ZFHX3: variants seen among roughly 807,000 people sequenced by gnomAD.
The protein encoded by ZFHX3 is zinc finger homeobox protein 3.
In ZFHX3, 42 loss-of-function variants were observed where a neutral mutation model predicts 279.1. The ratio of observed to expected loss-of-function variants is 0.15; its 90% CI spans 0.12 to 0.19. ZFHX3 has a LOEUF of 0.19. ZFHX3 is among the 10% of genes least tolerant of loss of function. ZFHX3 has a pLI of 1.00. For missense variants in ZFHX3, 4,981 were observed against 4,754.0 expected (o/e 1.05, Z -1.40); for synonymous variants, 2,293 against 1,957.8 (o/e 1.17, Z -4.52).
At chr16:73,088,488 C>T (rs1318501188) in intron 8 of ZFHX3, among the ~76,000 whole-genome samples, 3 of 152,166 alleles carry the variant, frequency 2.0e-5, no homozygotes, top group African/African-American at 7.2e-5. Context: ...CTTACCATCT[C>T]CATGATTGCA....
At chr16:73,321,933 C>T (rs1373978281) in intron 3 of ZFHX3, among the ~76,000 whole-genome samples, 1 of 152,200 alleles carries the variant, frequency 6.6e-6, no homozygotes, top group Non-Finnish European at 1.5e-5. Flanking sequence ...CTCATGTTCC[C>T]TCCTGAGGAC....
rs762134796 is a variant in ZFHX3, at chr16:73,780,111, ATTTTTTTTTTTTTTTTTTTTTTTTT to A, written c.-1607-99896_-1607-99872del. ...AACCAGCAAAACTCACTGCATTTGA[ATTTTTTTTTTTTTTTTTTTTTTTTT>A]TTTTTTTTTTTTTTTTTTTTTTTGA... On this transcript the variant is annotated intron_variant, in intron 1 of 17. Transcript: ENST00000641206. 6.2e-3 allele frequency among the ~76,000 whole-genome samples: 207 copies of A among 33,198 alleles called. 2 individuals carry two copies. Among genetic ancestry groups the A allele is most frequent in the South Asian group, 0.019 (17 of 874 alleles). 21.8% of individuals were successfully genotyped at this position (33,198 alleles called of 152,430 possible).
At chr16:72,854,410 C>T (rs906441015) in intron 4 of ZFHX3, among the ~76,000 whole-genome samples, 3 of 152,102 alleles carry the variant, frequency 2.0e-5, no homozygotes, top group African/African-American at 4.8e-5. Context: ...GAGATATAAG[C>T]CAAGCTGCAT....
chr16:72,807,149 C>T (rs2143550794), intron 7 of ZFHX3: 1 of 152,356 alleles, frequency 6.6e-6, no homozygotes, highest in African/African-American at 2.4e-5. Flanking sequence ...GCAGCTCCTA[C>T]ATCTCTTTCA....
Position 73,572,248 on chromosome 16 carries a change from T to A in ZFHX3, c.-1547+107932A>T, listed in dbSNP as rs75554793. Among the ~76,000 whole-genome samples, 206 of 151,922 alleles carry A rather than the reference T, an allele frequency of 1.4e-3. 1 individual carries two copies. The highest frequency in any genetic ancestry group is 0.012 in the East Asian group (62 of 5,164). ...TAACATTACAATAAGGTAGGCATAG[T>A]CAACATTCTTCGGGTGGTTTGGGGC... On this transcript the variant is annotated intron_variant, in intron 2 of 17. Transcript: ENST00000641206.
At chr16:73,654,766 TAA>T (rs1378194880) in intron 2 of ZFHX3, among the ~76,000 whole-genome samples, 1 of 148,764 alleles carries the variant, frequency 6.7e-6, no homozygotes, top group Non-Finnish European at 1.5e-5. Flanking sequence ...TCATTTTTAC[TAA>T]AAAAAGAGAT....
chr16:73,518,504 G>C (rs1004316048), intron 2 of ZFHX3, among the ~76,000 whole-genome samples: 1 of 152,170 alleles, frequency 6.6e-6, no homozygotes, highest in Non-Finnish European at 1.5e-5. Flanking sequence ...AGGGGACTGA[G>C]AGGAGATGTG....
chr16:72,860,470 G>C (rs1342786522), intron 4 of ZFHX3, among the ~76,000 whole-genome samples: 1 of 152,116 alleles, frequency 6.6e-6, no homozygotes, highest in African/African-American at 2.4e-5. Flanking sequence ...TCACTCTGTT[G>C]CCCAGGCTGG....
At chr16:73,650,913 C>A (rs1021204604) in intron 2 of ZFHX3, among the ~76,000 whole-genome samples, 1 of 151,926 alleles carries the variant, frequency 6.6e-6, no homozygotes, top group African/African-American at 2.4e-5. Context: ...ACAACTATGT[C>A]AGGAAGAAAA....
chr16:73,378,853 A>T (rs1198748892), intron 3 of ZFHX3, among the ~76,000 whole-genome samples: 2 of 151,998 alleles, frequency 1.3e-5, no homozygotes, highest in Admixed American at 1.3e-4. Flanking sequence ...TCCCTGGGAG[A>T]ATATCACCTC....
chr16:73,089,557 T>C (rs891514551), intron 8 of ZFHX3, among the ~76,000 whole-genome samples: 7 of 152,196 alleles, frequency 4.6e-5, no homozygotes, highest in Middle Eastern at 3.2e-3. Flanking sequence ...GATGCCACTG[T>C]GATTAAGTGA....
At chr16:73,578,206 C>T (rs974557550) in intron 2 of ZFHX3, among the ~76,000 whole-genome samples, 6 of 152,146 alleles carry the variant, frequency 3.9e-5, no homozygotes, top group African/African-American at 9.7e-5. Context: ...ACAGGTACTT[C>T]TGTCAGACAA....
At chr16:73,537,058 T>G (rs1329043331) in intron 2 of ZFHX3, among the ~76,000 whole-genome samples, 1 of 152,170 alleles carries the variant, frequency 6.6e-6, no homozygotes, top group African/African-American at 2.4e-5. Context: ...CAATAAGTTA[T>G]CTATTTCATC....
At chr16:73,854,350 ACTT>A (rs1448689132) in intron 1 of ZFHX3, among the ~76,000 whole-genome samples, 4 of 152,108 alleles carry the variant, frequency 2.6e-5, no homozygotes, top group Non-Finnish European at 5.9e-5. Flanking sequence ...ACATGGTGAC[ACTT>A]CGCCTCTACT....
At chr16:72,821,095 G>A (rs1217607026) in intron 5 of ZFHX3, among the ~76,000 whole-genome samples, 2 of 152,200 alleles carry the variant, frequency 1.3e-5, no homozygotes, top group Non-Finnish European at 2.9e-5. Context: ...AACATAAACA[G>A]GTAAAATGTG....
intron 3 of ZFHX3, among the ~76,000 whole-genome samples, chr16:73,359,289 G>A (rs915226068): frequency 1.3e-5 from 2 of 151,908 alleles, no homozygotes; most frequent in Admixed American, 6.6e-5. Context: ...GGGCACAAAA[G>A]GAAGGAGTAG....
intron 2 of ZFHX3, among the ~76,000 whole-genome samples, chr16:73,508,456 C>T (rs957196914): frequency 6.6e-6 from 1 of 152,156 alleles, no homozygotes; most frequent in African/African-American, 2.4e-5. Context: ...TGGAATACTC[C>T]ATGCCAGTGA....
rs184883952 is a variant in ZFHX3 at position 73,567,125 on chromosome 16, C to T, written c.-1546-110867G>A. On this transcript the variant is annotated intron_variant, in intron 2 of 17. Coordinates refer to the ZFHX3 transcript ENST00000641206. ...CAGCCTCCCAAAGTGCTGGGATTAC[C>T]GATGGGTCCCTCTTGTTTTTTGTTT... is the stretch of plus-strand genomic sequence containing the variant. Among the ~76,000 whole-genome samples the T allele has an allele frequency of 1.1e-4, 17 of 152,244 alleles. No individual in the cohort carries two copies. In the East Asian group the frequency reaches 1.9e-3, roughly 17 times the overall value.
chr16:72,943,478 G>A (rs913674382), intron 3 of ZFHX3, among the ~76,000 whole-genome samples: 1 of 152,192 alleles, frequency 6.6e-6, no homozygotes, highest in Non-Finnish European at 1.5e-5. Context: ...GTTGCAATGA[G>A]CTGAGATCAC....
Sources: gnomAD v4.1 joint callset for allele counts (sites outside exome capture counted in the v4.1 genomes callset) on GRCh38, gnomAD v4.1.1 for gene constraint, MANE v1.5 for transcripts, NCBI Gene and HGNC (gene_info 2026-07-23, HGNC 2026-07-21) for gene names.